Variants in NEK5 observed in about 807,000 individuals in gnomAD.
The protein encoded by NEK5 is serine/threonine-protein kinase Nek5.
Under a neutral mutation model 109.2 loss-of-function variants are expected in NEK5, and 88 were observed. The ratio of observed to expected loss-of-function variants is 0.81; its 90% CI spans 0.68 to 0.96. The LOEUF (loss-of-function observed/expected upper bound fraction) is 0.96, where lower values mean the gene tolerates loss of function less well. NEK5 is among the 40% of genes least tolerant of loss of function. The pLI is 0.00. For missense variants in NEK5, 834 were observed against 920.7 expected (o/e 0.91, Z 1.22); for synonymous variants, 283 against 299.9 (o/e 0.94, Z 0.58).
At chr13:52,077,356 TAG>T (rs1954887369) in intron 17 of NEK5, among the ~76,000 whole-genome samples, 2 of 152,136 alleles carry the variant, frequency 1.3e-5, no homozygotes, top group South Asian at 4.2e-4. Context: ...TTTAATACAT[TAG>T]ACATCCAGCA....
chr13:52,084,726 A>AGAGT (rs1955085373), intron 16 of NEK5, among the ~76,000 whole-genome samples: 1 of 128,252 alleles, frequency 7.8e-6, no homozygotes. Flanking sequence ...AGAGAGAGAG[A>AGAGT]GAGAGAGTGA....
intron 22 of NEK5, among the ~76,000 whole-genome samples, chr13:52,051,460 G>C (rs1349736756): frequency 1.3e-5 from 2 of 152,184 alleles, no homozygotes; most frequent in African/African-American, 4.8e-5. Flanking sequence ...TTTCCTAGTG[G>C]AGTACAAAGA....
chr13:52,066,901 A>G (rs1247391537), intron 20 of NEK5, among the ~76,000 whole-genome samples: 1 of 151,858 alleles, frequency 6.6e-6, no homozygotes, highest in Non-Finnish European at 1.5e-5. Flanking sequence ...TTGTTGTATC[A>G]TATTATATAG....
At chr13:52,084,002 G>A (rs1217687872) in intron 16 of NEK5, among the ~76,000 whole-genome samples, 2 of 152,030 alleles carry the variant, frequency 1.3e-5, no homozygotes, top group African/African-American at 2.4e-5. Flanking sequence ...CCCAACCTTT[G>A]CATGGTTCTT....
intron 22 of NEK5, among the ~76,000 whole-genome samples, chr13:52,055,339 T>G (rs1479790966): frequency 6.6e-6 from 1 of 152,076 alleles, no homozygotes; most frequent in African/African-American, 2.4e-5. Flanking sequence ...TACCTGAAAG[T>G]GATGGGGAGA....
chr13:52,089,523 G>A (rs1194465034), intron 13 of NEK5, among the ~76,000 whole-genome samples: 2 of 152,132 alleles, frequency 1.3e-5, no homozygotes, highest in African/African-American at 4.8e-5. Flanking sequence ...AGTAACAAGT[G>A]GGGATACAGG....
chr13:52,104,696 CAATT>C, intron 8 of NEK5, 144 bp from the exon 9 acceptor site: 2 of 655,948 alleles, frequency 3.0e-6, no homozygotes, highest in Non-Finnish European at 5.5e-6. Flanking sequence ...GATATATCAT[CAATT>C]CTTATTAGAA....
intron 20 of NEK5, 52 bp downstream of exon 20, chr13:52,071,892 G>C: frequency 6.4e-7 from 1 of 1,553,748 alleles, no homozygotes; most frequent in Non-Finnish European, 8.9e-7. Context: ...GTTCAAAATG[G>C]GTTGCTAATA....
chr13:52,085,993 T>C (rs1955133372), intron 16 of NEK5, among the ~76,000 whole-genome samples: 2 of 152,320 alleles, frequency 1.3e-5, no homozygotes, highest in East Asian at 3.9e-4. Flanking sequence ...TCAATAAATA[T>C]GTATTGAGTG....
rs1345604922 is a variant in NEK5 at position 52,065,603 on chromosome 13, G to C, written c.1856C>G (p.Ser619Cys). 3 of 1,612,276 alleles carry C rather than the reference G, an allele frequency of 1.9e-6. No individual in the cohort carries two copies. The South Asian group carries it at 3.3e-5, about 18-fold the overall frequency. The change falls in exon 21 of 24, where the codon TCC becomes TGC. Residue 619 changes from serine to cysteine, a missense_variant. Transcript: ENST00000684899. ...TCCCACAGCAGCTACAGTCTGCGTG[G>C]AAAACCCTGGGTGTAAGAAAACAAC... ...EKLHCPEAGF[S>C]TQTVAAVGNR... is the part of the protein sequence containing the mutation.
chr13:52,049,161 A>C (rs1453223648), intron 23 of NEK5, among the ~76,000 whole-genome samples: 1 of 152,118 alleles, frequency 6.6e-6, no homozygotes, highest in Non-Finnish European at 1.5e-5. Flanking sequence ...AGTGGCTCAC[A>C]CCTGTAATCC....
At chr13:52,044,832 G>A (rs527504451) in intron 23 of NEK5, among the ~76,000 whole-genome samples, 4 of 152,152 alleles carry the variant, frequency 2.6e-5, no homozygotes, top group Non-Finnish European at 4.4e-5. Context: ...CAGACAGTAT[G>A]AAACGAAAAG....
intron 15 of NEK5, 96 bp from the exon 16 acceptor site, chr13:52,086,459 T>C (rs41292800): frequency 0.11 from 84,934 of 787,474 alleles, 5,017 homozygotes; most frequent in Middle Eastern, 0.15. Flanking sequence ...GTGTGTAATA[T>C]AAAATAAGGT....
At chr13:52,082,325 G>GATA in intron 17 of NEK5, 1 of 1,062,832 alleles carries the variant, frequency 9.4e-7, no homozygotes, top group Non-Finnish European at 1.2e-6. Flanking sequence ...AAAAAAAAAA[G>GATA]ATAATAATAA....
intron 8 of NEK5, 97 bp from the exon 9 acceptor site, chr13:52,104,649 T>A: frequency 2.5e-6 from 2 of 814,506 alleles, no homozygotes; most frequent in Admixed American, 4.1e-5. Context: ...CGCTTTACAA[T>A]TTTATGTAAG....
chr13:52,053,892 C>T (rs112182967), intron 22 of NEK5, among the ~76,000 whole-genome samples: 3 of 152,326 alleles, frequency 2.0e-5, no homozygotes, highest in African/African-American at 7.2e-5. Flanking sequence ...CCTTCTACTG[C>T]ACCTTGTCCT....
chr13:52,096,126 G>C (rs1045878685), intron 12 of NEK5, among the ~76,000 whole-genome samples: 2 of 152,064 alleles, frequency 1.3e-5, no homozygotes, highest in Non-Finnish European at 2.9e-5. Context: ...CATACTTCCT[G>C]TACAGCCTGC....
chr13:52,076,195 G>T (rs1185450893), intron 17 of NEK5, 52 bp from the exon 18 acceptor site: 3 of 951,384 alleles, frequency 3.2e-6, no homozygotes, highest in Non-Finnish European at 4.9e-6. Context: ...TACATGAGTT[G>T]ATTTCTGCGT....
chr13:52,106,123 C>T (rs1955649909), intron 8 of NEK5, among the ~76,000 whole-genome samples: 1 of 152,016 alleles, frequency 6.6e-6, no homozygotes, highest in Non-Finnish European at 1.5e-5. Context: ...ACACACCCTA[C>T]CTGAATTCCT....
Sources: allele counts gnomAD v4.1 joint callset (sites outside exome capture counted in the v4.1 genomes callset), GRCh38; gene constraint gnomAD v4.1.1; transcripts MANE v1.5; gene names NCBI Gene and HGNC (gene_info 2026-07-23, HGNC 2026-07-21).